ARHGAP21: variants seen among roughly 807,000 people sequenced by gnomAD.
The protein encoded by ARHGAP21 is Rho GTPase activating protein 21.
Under a neutral mutation model 164.6 loss-of-function variants are expected in ARHGAP21, and 38 were observed. The ratio of observed to expected loss-of-function variants is 0.23; its 90% CI spans 0.18 to 0.30. The LOEUF (loss-of-function observed/expected upper bound fraction) is 0.30. ARHGAP21 is among the 10% of genes least tolerant of loss of function. The pLI is 1.00. For missense variants in ARHGAP21, 1,822 were observed against 2,370.7 expected (o/e 0.77, Z 4.81); for synonymous variants, 766 against 857.9 (o/e 0.89, Z 1.87).
Position 24,669,966 on chromosome 10 carries a change from G to C in ARHGAP21, c.243+252C>G, listed in dbSNP as rs867579963. ...AAAAGTAGAAAGAAATCTGGAATTAGAAGTCCTTAAAAAATGCAGATTTGG... is the reference window on the plus strand; with the variant it reads ...AAAAGTAGAAAGAAATCTGGAATTACAAGTCCTTAAAAAATGCAGATTTGG... On this transcript the variant is annotated intron_variant, in intron 3 of 25. Coordinates refer to ENST00000396432, the MANE Select transcript of ARHGAP21 (RefSeq NM_020824.4). Among the ~76,000 whole-genome samples, 10 of 152,170 alleles carry C rather than the reference G, an allele frequency of 6.6e-5. No homozygotes were observed. The South Asian group carries it at 1.2e-3, about 19-fold the overall frequency.
intron 4 of ARHGAP21, among the ~76,000 whole-genome samples, chr10:24,657,295 TG>T (rs774548572): frequency 0.26 from 1,536 of 5,850 alleles, 189 homozygotes; most frequent in African/African-American, 0.5. Flanking sequence ...GGGAGGGAGG[TG>T]GGGGGGGGGT....
At chr10:24,700,305 G>A (rs1450848364) in intron 2 of ARHGAP21, among the ~76,000 whole-genome samples, 1 of 152,162 alleles carries the variant, frequency 6.6e-6, no homozygotes, top group African/African-American at 2.4e-5. Context: ...TATACACAAG[G>A]TGATGAGTGT....
chr10:24,625,299 GAAAAAAA>G (rs34935501), intron 7 of ARHGAP21, among the ~76,000 whole-genome samples: 2 of 53,798 alleles, frequency 3.7e-5, no homozygotes, highest in African/African-American at 7.5e-5. Flanking sequence ...ATGAAACAGA[GAAAAAAA>G]AAAAAAAAAA....
intron 4 of ARHGAP21, among the ~76,000 whole-genome samples, chr10:24,661,672 A>G (rs923476187): frequency 3.9e-5 from 6 of 152,244 alleles, no homozygotes; most frequent in Non-Finnish European, 7.3e-5. Flanking sequence ...AAAATTCTAC[A>G]TAAGAAGGAT....
intron 2 of ARHGAP21, among the ~76,000 whole-genome samples, chr10:24,680,135 G>A (rs981435890): frequency 6.6e-6 from 1 of 152,280 alleles, no homozygotes; most frequent in Non-Finnish European, 1.5e-5. Context: ...ATTGTGGCTG[G>A]TTTACATCAC....
rs760915221 is a variant in ARHGAP21, at chr10:24,602,095, G to A, written c.2730C>T (p.Asp910=). 2 of 1,612,868 alleles carry A rather than the reference G, an allele frequency of 1.2e-6. No homozygotes were observed. The highest frequency in any genetic ancestry group is 1.1e-5 in the South Asian group (1 of 90,788). The change falls in exon 13 of 26, where the codon GAC becomes GAT. Residue 910 remains aspartate (D), a synonymous_variant. Coordinates refer to ENST00000396432, the MANE Select transcript of ARHGAP21 (RefSeq NM_020824.4). ...VSSLKGIKIA[D]SQKSSEDSGS... is the part of the protein sequence containing the mutation. ...CAGAGTCTTCTGATGACTTTTGGCT[G>A]TCTGCGATCTATAGAAAAGACCAAG... is the stretch of plus-strand genomic sequence containing the variant.
At chr10:24,654,336 T>C (rs1425854935) in intron 4 of ARHGAP21, among the ~76,000 whole-genome samples, 1 of 151,940 alleles carries the variant, frequency 6.6e-6, no homozygotes, top group East Asian at 1.9e-4. Flanking sequence ...GAGGTCAAAT[T>C]GTCCCTGTTT....
At chr10:24,721,734 G>A in intron 2 of ARHGAP21, 103 bp downstream of exon 2, 2 of 1,350,990 alleles carry the variant, frequency 1.5e-6, no homozygotes, top group Non-Finnish European at 2.1e-6. Context: ...CAAAGCCCCG[G>A]GAAGCCCCTA....
intron 24 of ARHGAP21, 54 bp downstream of exon 24, chr10:24,591,171 T>G: frequency 1.5e-6 from 2 of 1,371,750 alleles, no homozygotes; most frequent in Non-Finnish European, 2.0e-6. Flanking sequence ...CTCTTTCATA[T>G]TGTAAGAATG....
At chr10:24,684,781 G>C (rs558838804) in intron 2 of ARHGAP21, among the ~76,000 whole-genome samples, 1 of 152,306 alleles carries the variant, frequency 6.6e-6, no homozygotes, top group South Asian at 2.1e-4. Flanking sequence ...TGGGATTACA[G>C]GCGCCCGCCA....
In ARHGAP21 at chr10:24,585,559, A is replaced by C; in HGVS notation, c.4730T>G (p.Leu1577Trp). The change falls in exon 26 of 26, where the codon TTG becomes TGG. Residue 1577 changes from leucine to tryptophan, a missense_variant. Leu to Trp is a moderately conservative substitution (Grantham distance 61). This residue lies in a region of ARHGAP21 where 333 missense variants were observed against 383.9 expected (regional missense o/e 0.87). Transcript: ENST00000396432. ...TGAGGTGATGGTGCTGACGTTGGCC[A>C]AAAACTCGCTATGTTTCGTTTCTGG... ...TSPETKHSEFLANVSTITSDY... is the reference protein window; with the variant it reads ...TSPETKHSEFWANVSTITSDY... 1.2e-6 allele frequency: 2 copies of C among 1,614,174 alleles called. No individual in the cohort carries two copies. Among genetic ancestry groups the C allele is most frequent in the South Asian group, 1.1e-5 (1 of 91,082 alleles).
chr10:24,588,246 G>C (rs1257841017), intron 25 of ARHGAP21, among the ~76,000 whole-genome samples: 2 of 152,008 alleles, frequency 1.3e-5, no homozygotes, highest in Admixed American at 1.3e-4. Flanking sequence ...GAATGCCCCA[G>C]TTCTCTGGTG....
chr10:24,655,001 C>G (rs1218016495), intron 4 of ARHGAP21, among the ~76,000 whole-genome samples: 2 of 152,106 alleles, frequency 1.3e-5, no homozygotes, highest in Non-Finnish European at 2.9e-5. Flanking sequence ...ACAAACCTGA[C>G]AAAAACAAGA....
chr10:24,688,078 G>A (rs1184084804), intron 2 of ARHGAP21, among the ~76,000 whole-genome samples: 1 of 152,196 alleles, frequency 6.6e-6, no homozygotes, highest in Non-Finnish European at 1.5e-5. Flanking sequence ...TAGCTAGAAG[G>A]AAAGTCAGAG....
intron 2 of ARHGAP21, among the ~76,000 whole-genome samples, chr10:24,676,638 T>C (rs987968039): frequency 1.3e-5 from 2 of 152,262 alleles, no homozygotes; most frequent in East Asian, 1.9e-4. Context: ...CTACGCAATA[T>C]ACCCAGGTAA....
At chr10:24,687,199 A>G (rs1842294955) in intron 2 of ARHGAP21, among the ~76,000 whole-genome samples, 1 of 152,166 alleles carries the variant, frequency 6.6e-6, no homozygotes, top group African/African-American at 2.4e-5. Flanking sequence ...CAGGCCCTCT[A>G]CTGTAGAGAG....
intron 21 of ARHGAP21, among the ~76,000 whole-genome samples, chr10:24,594,638 C>A (rs1564965817): frequency 1.3e-5 from 2 of 151,884 alleles, no homozygotes; most frequent in Non-Finnish European, 2.9e-5. Context: ...GGCCTTTTGA[C>A]TGTTGTAGCG....
intron 12 of ARHGAP21, among the ~76,000 whole-genome samples, chr10:24,603,684 G>A (rs374651534): frequency 6.6e-6 from 1 of 152,074 alleles, no homozygotes; most frequent in Non-Finnish European, 1.5e-5. Context: ...GAATAAGGAA[G>A]GCAGCAAGTG....
chr10:24,677,763 T>A (rs1037183586), intron 2 of ARHGAP21, among the ~76,000 whole-genome samples: 4 of 152,234 alleles, frequency 2.6e-5, no homozygotes, highest in Non-Finnish European at 5.9e-5. Context: ...GAGTTCATTG[T>A]ATATGTGCAG....
Sources: gnomAD v4.1 joint callset for allele counts (sites outside exome capture counted in the v4.1 genomes callset) on GRCh38, gnomAD v4.1.1 for gene constraint, gnomAD v4.1.1 regional missense constraint, MANE v1.5 for transcripts, NCBI Gene and HGNC (gene_info 2026-07-23, HGNC 2026-07-21) for gene names.